PCDHGA6: variants seen among roughly 807,000 people sequenced by gnomAD.
PCDHGA6 encodes the protein protocadherin gamma-A6.
PCDHGA6 carries 41 observed loss-of-function variants against 60.6 expected under a neutral mutation model. The ratio of observed to expected loss-of-function variants is 0.68; its 90% confidence interval spans 0.53 to 0.88. The LOEUF (loss-of-function observed/expected upper bound fraction) is 0.88, where lower values mean the gene tolerates loss of function less well. Ranked by LOEUF, PCDHGA6 falls within the 40% of genes least tolerant of loss-of-function variation. The probability of loss-of-function intolerance (pLI) is 0.00; values close to 1 mark genes in which losing one functional copy is unlikely to be tolerated. For missense variants in PCDHGA6, 1,312 were observed against 1,203.0 expected, an observed-to-expected ratio of 1.09 and a Z score of -1.34; for synonymous variants, 594 against 524.4, an observed-to-expected ratio of 1.13 and a Z score of -1.81.
rs998267605 is a variant in PCDHGA6 at position 141,383,657 on chromosome 5, A to T, written c.2424+7150A>T. The stretch of plus-strand genomic sequence containing the variant: ...CCTCAGTACCAAGTAACTGTCCCCG[A>T]GAATGTGCCAGTGGGTACAAGACTG... On this transcript the variant is annotated intron_variant, in intron 1 of 3. Transcript: ENST00000517434. 6 of 1,614,058 alleles carry T rather than the reference A, an allele frequency of 3.7e-6. No homozygotes were observed. In the East Asian group the frequency reaches 1.3e-4, roughly 36 times the overall value.
At chr5:141,453,586 C>T (rs1409763264) in intron 1 of PCDHGA6, among the ~76,000 whole-genome samples, 1 of 152,204 alleles carries the variant, frequency 6.6e-6, no homozygotes, top group Non-Finnish European at 1.5e-5. Context: ...GGTTTATCCT[C>T]ACTGTGTTTC....
At chr5:141,468,783 G>T (rs908838744) in intron 1 of PCDHGA6, among the ~76,000 whole-genome samples, 5 of 151,346 alleles carry the variant, frequency 3.3e-5, no homozygotes, top group East Asian at 2.0e-4. Flanking sequence ...GGAGAATGGC[G>T]TGAACCCGGG....
chr5:141,414,862 G>A (rs763491057), intron 1 of PCDHGA6: 1 of 1,614,226 alleles, frequency 6.2e-7, no homozygotes, highest in Non-Finnish European at 8.5e-7. Context: ...GAACGACAAT[G>A]CGCCCGAGAT....
chr5:141,412,233 A>G (rs866840267), intron 1 of PCDHGA6: 4 of 152,256 alleles, frequency 2.6e-5, no homozygotes, highest in Admixed American at 6.5e-5. Context: ...TTAAAAACCT[A>G]TATCACTACA....
At position 141,374,379 on chromosome 5, in the gene PCDHGA6, G is replaced by T; in HGVS notation, c.296G>T (p.Ser99Ile). 6.8e-6 allele frequency: 11 copies of T among 1,614,042 alleles called. No homozygotes were observed. Among genetic ancestry groups the T allele is most frequent in the Non-Finnish European group, 9.3e-6 (11 of 1,179,910 alleles). ...RIDREELCAQSPRCLVSFNIL... is the reference protein window; with the variant it reads ...RIDREELCAQIPRCLVSFNIL... ...GACCGCGAGGAGCTCTGTGCTCAGA[G>T]CCCGCGGTGTCTGGTGAGTTTTAAC... Residue 99 changes from serine to isoleucine, a missense_variant, in exon 1 of 4, where the codon AGC becomes ATC. By Grantham distance (142) the Ser-to-Ile change is moderately radical. Transcript: ENST00000517434.
At chr5:141,433,363 CTA>C (rs2097590674) in intron 1 of PCDHGA6, 2 of 463,314 alleles carry the variant, frequency 4.3e-6, no homozygotes, top group African/African-American at 5.6e-5. Flanking sequence ...GTCTGCCTAT[CTA>C]TCTATCTATC....
In PCDHGA6 at chr5:141,431,961, A is replaced by C; in HGVS notation, c.2424+55454A>C. Reference sequence around the variant, plus strand: ...AAATTAGAAAAATCTTACGGAAATTACTATAGTTTAGTCACAGACATAGTC... The same window carrying C: ...AAATTAGAAAAATCTTACGGAAATTCCTATAGTTTAGTCACAGACATAGTC... On this transcript the variant is annotated intron_variant, in intron 1 of 3. Transcript: ENST00000517434. The surrounding 1 kb of genome is among the most constrained non-coding windows in gnomAD (Gnocchi z 4.8). 1 of 1,614,206 alleles carries C rather than the reference A, an allele frequency of 6.2e-7. No homozygotes were observed.
chr5:141,418,897 A>T, intron 1 of PCDHGA6: 1 of 1,613,980 alleles, frequency 6.2e-7, no homozygotes, highest in Non-Finnish European at 8.5e-7. Flanking sequence ...ACAGCCCAGA[A>T]ATAATCATCA....
chr5:141,489,428 G>C lies in PCDHGA6; in HGVS notation c.2425-5379G>C, dbSNP rs561792279. The C allele has an allele frequency of 1.2e-6, 2 of 1,613,994 alleles. No individual in the cohort carries two copies. Among genetic ancestry groups the C allele is most frequent in the Non-Finnish European group, 1.7e-6 (2 of 1,180,038 alleles). On this transcript the variant is annotated intron_variant, in intron 1 of 3. Coordinates refer to ENST00000517434, the MANE Select transcript of PCDHGA6 (RefSeq NM_018919.3). This position sits in a 1 kb window ranked among gnomAD's most constrained non-coding sequence, Gnocchi z 4.5. The stretch of plus-strand genomic sequence containing the variant: ...AAGATGACAGATCTGTTGAGCCGGC[G>C]GCTGCAATTGGGCTCTGAGGAGAAT...
chr5:141,509,051 A>G (rs1051961974), intron 3 of PCDHGA6, among the ~76,000 whole-genome samples: 1 of 152,166 alleles, frequency 6.6e-6, no homozygotes, highest in Admixed American at 6.5e-5. Context: ...CCCCGCCCCC[A>G]GAAAGCTCTC....
intron 1 of PCDHGA6, chr5:141,479,478 G>T (rs760475025): frequency 2.6e-5 from 4 of 152,408 alleles, no homozygotes; most frequent in African/African-American, 9.6e-5. Context: ...TCTTGGGAGG[G>T]CAGGACCATC....
At chr5:141,417,256 C>G (rs985322130) in intron 1 of PCDHGA6, 1 of 152,096 alleles carries the variant, frequency 6.6e-6, no homozygotes, top group Non-Finnish European at 1.5e-5. Flanking sequence ...CTTCCAGCTT[C>G]ATAGATAATT....
At chr5:141,443,874 A>G (rs2098409122) in intron 1 of PCDHGA6, among the ~76,000 whole-genome samples, 1 of 152,190 alleles carries the variant, frequency 6.6e-6, no homozygotes, top group Non-Finnish European at 1.5e-5. Flanking sequence ...AATTACTGAT[A>G]AGTCAAGAGA....
Position 141,388,177 on chromosome 5 carries a change from A to T in PCDHGA6, c.2424+11670A>T, listed in dbSNP as rs778496978. 25 of 1,515,690 alleles carry T rather than the reference A, an allele frequency of 1.6e-5. No individual in the cohort carries two copies. The Admixed American group carries it at 4.5e-4, about 27-fold the overall frequency. 93.9% of individuals were successfully genotyped at this position (1,515,690 alleles called of 1,614,324 possible). On this transcript the variant is annotated intron_variant, in intron 1 of 3. Coordinates refer to ENST00000517434, the MANE Select transcript of PCDHGA6 (RefSeq NM_018919.3). The stretch of plus-strand genomic sequence containing the variant: ...CTAGACAGGGAGGAGATATGCGGGA[A>T]GAAGCCAGCTTGTGCTCTGGAATTT...
chr5:141,395,147 G>T (rs906877951), intron 1 of PCDHGA6: 21 of 1,614,092 alleles, frequency 1.3e-5, no homozygotes, highest in Non-Finnish European at 1.8e-5. Context: ...ACGCAGACAT[G>T]CTCATCAGTC....
Position 141,403,252 on chromosome 5 carries a change from G to A in PCDHGA6, c.2424+26745G>A, listed in dbSNP as rs180687908. 8.6e-4 allele frequency: 1,389 copies of A among 1,613,900 alleles called. 2 individuals carry two copies. Among genetic ancestry groups the A allele is most frequent in the Non-Finnish European group, 1.1e-3 (1,338 of 1,179,904 alleles). On this transcript the variant is annotated intron_variant, in intron 1 of 3. Transcript: ENST00000517434. Reference sequence around the variant, plus strand: ...GGGAGGAGCTCTGTGCTCAGAGCCCGCGGTGTCTGGTGAACTTTAAAGTCC... The same window carrying A: ...GGGAGGAGCTCTGTGCTCAGAGCCCACGGTGTCTGGTGAACTTTAAAGTCC...
At chr5:141,400,819 C>A (rs1316119038) in intron 1 of PCDHGA6, among the ~76,000 whole-genome samples, 1 of 152,132 alleles carries the variant, frequency 6.6e-6, no homozygotes, top group African/African-American at 2.4e-5. Flanking sequence ...TTTACCTATT[C>A]GTTGTCTCAT....
At chr5:141,453,201 C>A (rs115660512) in intron 1 of PCDHGA6, among the ~76,000 whole-genome samples, 1 of 152,206 alleles carries the variant, frequency 6.6e-6, no homozygotes, top group South Asian at 2.1e-4. Flanking sequence ...GCAGCCTCAA[C>A]CTCGTGCACT....
chr5:141,415,740 G>GTTTTTTTTTT lies in PCDHGA6; in HGVS notation c.2424+39256_2424+39265dup, dbSNP rs57426385. 90 of 625,044 alleles carry GTTTTTTTTTT rather than the reference G, an allele frequency of 1.4e-4. 1 individual carries two copies. The highest frequency in any genetic ancestry group is 4.1e-4 in the East Asian group (6 of 14,742). The allele number at this position is 625,044 out of a possible 1,614,324, so 38.7% of individuals were successfully genotyped here. On this transcript the variant is annotated intron_variant, in intron 1 of 3. Coordinates refer to ENST00000517434, the MANE Select transcript of PCDHGA6 (RefSeq NM_018919.3). ...TGAGTAGAATTTGATGTTTATTAAG[G>GTTTTTTTTTT]TTTTTTTTTTTTTTTTTTTTTTTTT...
Sources: gnomAD v4.1 joint callset for allele counts (sites outside exome capture counted in the v4.1 genomes callset) on GRCh38, gnomAD v4.1.1 for gene constraint, Gnocchi (gnomAD v3.1) non-coding constraint, MANE v1.5 for transcripts, NCBI Gene and HGNC (gene_info 2026-07-23, HGNC 2026-07-21) for gene names.